Variants in NGEF observed in about 807,000 individuals in gnomAD.
NGEF encodes the protein ephexin-1.
Under a neutral mutation model 80.9 loss-of-function variants are expected in NGEF, and 31 were observed. That is an observed-to-expected ratio of 0.38 (90% CI 0.29 to 0.52). The LOEUF is 0.52. Ranked by LOEUF, NGEF falls within the 20% of genes least tolerant of loss-of-function variation. The pLI, the probability that NGEF is intolerant of heterozygous loss-of-function variation, is 0.84. For synonymous variants in NGEF, 371 were observed against 370.2 expected (o/e 1.00, Z -0.03); for missense variants, 709 against 926.2 (o/e 0.77, Z 3.04).
At chr2:232,908,519 T>C (rs1559204906) in intron 5 of NGEF, among the ~76,000 whole-genome samples, 1 of 151,604 alleles carries the variant, frequency 6.6e-6, no homozygotes, top group Non-Finnish European at 1.5e-5. Flanking sequence ...GTGAGTTTGA[T>C]TTTTTTTCTT....
Position 232,879,360 on chromosome 2 carries a change from G to T in NGEF, c.*129C>A. 1 of 911,558 alleles carries T rather than the reference G, an allele frequency of 1.1e-6. No homozygotes were observed. 56.5% of individuals were successfully genotyped at this position (911,558 alleles called of 1,614,324 possible). A position where few individuals can be genotyped will look rare whatever the true frequency, so the allele number is the denominator to read the frequency against. ...CACTCACTGCGTGGGCAGGGATGAGGGCCGGGCACCCCAAGCCAGATCCTG... is the reference window on the plus strand; with the variant it reads ...CACTCACTGCGTGGGCAGGGATGAGTGCCGGGCACCCCAAGCCAGATCCTG... On this transcript the variant is annotated 3_prime_UTR_variant, in exon 15 of 15. Coordinates refer to ENST00000264051, the MANE Select transcript of NGEF (RefSeq NM_019850.3).
intron 5 of NGEF, among the ~76,000 whole-genome samples, chr2:232,895,130 C>T (rs1692017017): frequency 6.6e-6 from 1 of 152,188 alleles, no homozygotes; most frequent in Admixed American, 6.5e-5. Flanking sequence ...GAGCACACTA[C>T]CCCTAAGGTG....
intron 5 of NGEF, among the ~76,000 whole-genome samples, chr2:232,896,743 A>G (rs1692094388): frequency 2.3e-5 from 1 of 43,576 alleles, no homozygotes; most frequent in Non-Finnish European, 4.1e-5. Context: ...GGTGAGGGTG[A>G]AGGTAGGGGT....
chr2:232,995,641 T>TGTATACGTATG (rs1369701833), intron 1 of NGEF, among the ~76,000 whole-genome samples: 32 of 65,188 alleles, frequency 4.9e-4, no homozygotes, highest in African/African-American at 2.8e-3. Flanking sequence ...TATATATGTA[T>TGTATACGTATG]TATAGTGTAT....
At chr2:232,889,381 C>T (rs1434795497) in intron 8 of NGEF, among the ~76,000 whole-genome samples, 2 of 152,126 alleles carry the variant, frequency 1.3e-5, no homozygotes, top group South Asian at 2.1e-4. Flanking sequence ...GGAGACTTGC[C>T]GTTCTCTCTG....
chr2:232,989,889 A>G (rs1478294578), intron 1 of NGEF, among the ~76,000 whole-genome samples: 1 of 152,214 alleles, frequency 6.6e-6, no homozygotes, highest in Non-Finnish European at 1.5e-5. Context: ...TCAGTTGACA[A>G]AGTTAAATAC....
Position 232,995,134 on chromosome 2 carries a change from T to C in NGEF, c.-75+17934A>G, listed in dbSNP as rs1486558861. On this transcript the variant is annotated intron_variant, in intron 1 of 14. Coordinates refer to ENST00000264051, the MANE Select transcript of NGEF (RefSeq NM_019850.3). ...TATATGTGTACAGTATGTATATATGTACAGTATGTATATATGTACAGTATG... is the reference window on the plus strand; with the variant it reads ...TATATGTGTACAGTATGTATATATGCACAGTATGTATATATGTACAGTATG... Among the ~76,000 whole-genome samples the C allele has an allele frequency of 1.6e-3, 18 of 10,918 alleles. 4 individuals are homozygous for C. The highest frequency in any genetic ancestry group is 3.2e-3 in the African/African-American group (9 of 2,818). The allele number at this position is 10,918 out of a possible 152,430, so 7.2% of individuals were successfully genotyped here. A position where few individuals can be genotyped will look rare whatever the true frequency, so the allele number is the denominator to read the frequency against.
In NGEF at chr2:232,937,777, C is replaced by T. The variant is rs1422793953; in HGVS notation, c.384-10591G>A. Among the ~76,000 whole-genome samples the T allele has an allele frequency of 2.0e-5, 3 of 152,160 alleles. No homozygotes were observed. The East Asian group carries it at 5.8e-4, about 29-fold the overall frequency. ...CATCAGCTTTTGCTTGGTATCCCATCTTGTGTGTCTTGGGTCAATGATGTT... is the reference window on the plus strand; with the variant it reads ...CATCAGCTTTTGCTTGGTATCCCATTTTGTGTGTCTTGGGTCAATGATGTT... On this transcript the variant is annotated intron_variant, in intron 3 of 14. Coordinates refer to ENST00000264051, the MANE Select transcript of NGEF (RefSeq NM_019850.3).
intron 3 of NGEF, among the ~76,000 whole-genome samples, chr2:232,943,641 GC>G (rs1693487791): frequency 6.6e-6 from 1 of 150,714 alleles, no homozygotes; most frequent in Non-Finnish European, 1.5e-5. Flanking sequence ...GACTACAGGC[GC>G]CCGCCACTAG....
chr2:232,908,717 T>G, intron 5 of NGEF, among the ~76,000 whole-genome samples: 1 of 152,142 alleles, frequency 6.6e-6, no homozygotes, highest in East Asian at 1.9e-4. Context: ...ATTTGTACTT[T>G]TTTTGCTTTT....
intron 5 of NGEF, among the ~76,000 whole-genome samples, chr2:232,919,944 A>G (rs1692899763): frequency 6.6e-6 from 1 of 152,212 alleles, no homozygotes; most frequent in African/African-American, 2.4e-5. Context: ...GCATAGTCAC[A>G]GTGAGCTCAG....
At chr2:232,963,465 T>C (rs1693992412) in intron 3 of NGEF, among the ~76,000 whole-genome samples, 1 of 151,780 alleles carries the variant, frequency 6.6e-6, no homozygotes, top group Admixed American at 6.6e-5. Context: ...GGACAAACAA[T>C]AAAAAAATTT....
At chr2:233,012,910 C>T (rs112515949) in intron 1 of NGEF, 158 bp downstream of exon 1, 24 of 470,662 alleles carry the variant, frequency 5.1e-5, no homozygotes, top group South Asian at 1.1e-4. Flanking sequence ...CAGGATCCCT[C>T]GGGTGGAATC....
intron 5 of NGEF, among the ~76,000 whole-genome samples, chr2:232,913,904 A>G: frequency 6.6e-6 from 1 of 152,348 alleles, no homozygotes; most frequent in East Asian, 1.9e-4. Context: ...TGGGCAACAG[A>G]GTGAGACTCC....
chr2:232,895,297 C>T (rs1416148664), intron 5 of NGEF, among the ~76,000 whole-genome samples: 1 of 152,044 alleles, frequency 6.6e-6, no homozygotes, highest in Non-Finnish European at 1.5e-5. Flanking sequence ...GAGGCCGAGG[C>T]GGGCAGATCA....
intron 5 of NGEF, among the ~76,000 whole-genome samples, chr2:232,903,455 C>CCT (rs1298212708): frequency 6.6e-6 from 1 of 152,084 alleles, no homozygotes; most frequent in Non-Finnish European, 1.5e-5. Context: ...CACACACACA[C>CCT]ACACACCTGA....
chr2:232,942,468 TA>T lies in NGEF; in HGVS notation c.384-15283del, dbSNP rs1465488122. ...GTTCCTCTCGGTAAATCGACTGATT[TA>T]CAGAGACAGGGACATCTTCCAGACC... On this transcript the variant is annotated intron_variant, in intron 3 of 14. Coordinates refer to ENST00000264051, the MANE Select transcript of NGEF (RefSeq NM_019850.3). Among the ~76,000 whole-genome samples, 9 of 152,354 alleles carry T rather than the reference TA, an allele frequency of 5.9e-5. No individual in the cohort carries two copies. In the East Asian group the frequency reaches 1.7e-3, roughly 29 times the overall value.
At chr2:232,903,005 A>AACAAG (rs1692400614) in intron 5 of NGEF, among the ~76,000 whole-genome samples, 1 of 151,822 alleles carries the variant, frequency 6.6e-6, no homozygotes, top group Non-Finnish European at 1.5e-5. Flanking sequence ...ACAAAACAAA[A>AACAAG]ACAAAACAAA....
chr2:232,920,406 G>A lies in NGEF; in HGVS notation c.706C>T (p.Leu236=). ...EPASPPERKT[L]PQICLLSNPH... Reference sequence around the variant, plus strand: ...TTACTGAGCAGGCAGATCTGGGGCAGAGTCTTCCTCTCTGGTGGGCTGGCC... The same window carrying A: ...TTACTGAGCAGGCAGATCTGGGGCAAAGTCTTCCTCTCTGGTGGGCTGGCC... Residue 236 remains leucine, a synonymous_variant, in exon 5 of 15, where the codon CTG becomes TTG. Coordinates refer to ENST00000264051, the MANE Select transcript of NGEF (RefSeq NM_019850.3). 1.2e-6 allele frequency: 2 copies of A among 1,614,088 alleles called. No homozygotes were observed. The highest frequency in any genetic ancestry group is 4.5e-5 in the East Asian group (2 of 44,888).
Sources: allele counts gnomAD v4.1 joint callset (sites outside exome capture counted in the v4.1 genomes callset), GRCh38; gene constraint gnomAD v4.1.1; transcripts MANE v1.5; gene names NCBI Gene and HGNC (gene_info 2026-07-23, HGNC 2026-07-21).